AGBL1: variants seen among roughly 807,000 people sequenced by gnomAD.
AGBL1 encodes cytosolic carboxypeptidase 4.
In AGBL1, 130 loss-of-function variants were observed where a neutral mutation model predicts 118.9. The ratio of observed to expected loss-of-function variants is 1.09; its 90% CI spans 0.95 to 1.26. The LOEUF (loss-of-function observed/expected upper bound fraction) is 1.26. Among genes scored for constraint, AGBL1 ranks in the 50% most tolerant of loss-of-function variants. The pLI is 0.00. For synonymous variants in AGBL1, 555 were observed against 478.9 expected (o/e 1.16, Z -2.08); for missense variants, 1,584 against 1,298.1 (o/e 1.22, Z -3.38).
At chr15:86,788,451 G>C (rs1424227134) in intron 22 of AGBL1, among the ~76,000 whole-genome samples, 1 of 152,164 alleles carries the variant, frequency 6.6e-6, no homozygotes. Context: ...AATGTGGTAA[G>C]AGTTTTAATA....
At chr15:86,545,218 G>A (rs1384389525) in intron 19 of AGBL1, among the ~76,000 whole-genome samples, 1 of 152,204 alleles carries the variant, frequency 6.6e-6, no homozygotes, top group Non-Finnish European at 1.5e-5. Flanking sequence ...ATGCAGAGCA[G>A]AGTCATAGCC....
chr15:86,888,016 C>G (rs1300678246), intron 22 of AGBL1, among the ~76,000 whole-genome samples: 1 of 152,082 alleles, frequency 6.6e-6, no homozygotes. Flanking sequence ...GTTACAATCT[C>G]TCACCACTCC....
intron 17 of AGBL1, among the ~76,000 whole-genome samples, chr15:86,357,993 T>C (rs2080747844): frequency 6.6e-6 from 1 of 152,134 alleles, no homozygotes; most frequent in Non-Finnish European, 1.5e-5. Flanking sequence ...AGCTAATTAA[T>C]ATATCTATCA....
chr15:86,534,149 T>C (rs2083389952), intron 19 of AGBL1, among the ~76,000 whole-genome samples: 1 of 151,714 alleles, frequency 6.6e-6, no homozygotes, highest in South Asian at 2.1e-4. Context: ...GTCCTTTTCT[T>C]TGAGGAACCC....
At chr15:86,778,214 A>G (rs758609019) in intron 22 of AGBL1, among the ~76,000 whole-genome samples, 5 of 152,164 alleles carry the variant, frequency 3.3e-5, no homozygotes, top group Non-Finnish European at 7.3e-5. Context: ...TCACAAGGTA[A>G]CAGAATATCA....
At chr15:86,950,606 T>G (rs1252072106) in intron 23 of AGBL1, among the ~76,000 whole-genome samples, 1 of 151,682 alleles carries the variant, frequency 6.6e-6, no homozygotes, top group African/African-American at 2.4e-5. Context: ...TTAAGATATT[T>G]TATTTACTAT....
At chr15:86,804,485 A>C (rs2078691526) in intron 22 of AGBL1, among the ~76,000 whole-genome samples, 1 of 152,166 alleles carries the variant, frequency 6.6e-6, no homozygotes, top group African/African-American at 2.4e-5. Flanking sequence ...CAACAAAAAA[A>C]CCCAAATCAA....
intron 18 of AGBL1, among the ~76,000 whole-genome samples, chr15:86,474,220 C>T (rs137974333): frequency 5.9e-5 from 9 of 152,224 alleles, no homozygotes; most frequent in East Asian, 1.9e-4. Flanking sequence ...GCTTGTCGGA[C>T]GGTGGGTGCA....
chr15:86,407,818 A>C (rs2081551668), intron 18 of AGBL1, among the ~76,000 whole-genome samples: 1 of 152,160 alleles, frequency 6.6e-6, no homozygotes, highest in African/African-American at 2.4e-5. Flanking sequence ...TGGATTTATG[A>C]TCGTGGGACT....
At chr15:86,942,929 C>T (rs1451039022) in intron 23 of AGBL1, among the ~76,000 whole-genome samples, 10 of 152,216 alleles carry the variant, frequency 6.6e-5, no homozygotes, top group African/African-American at 2.4e-4. Context: ...TCTAACACTG[C>T]AGGCACATTG....
intron 7 of AGBL1, among the ~76,000 whole-genome samples, chr15:86,255,778 T>TAA (rs72427538): frequency 0.012 from 1,845 of 148,794 alleles, 49 homozygotes; most frequent in African/African-American, 0.044. Flanking sequence ...TGAGACTGTC[T>TAA]AAAAAAAAAA....
intron 21 of AGBL1, among the ~76,000 whole-genome samples, chr15:86,667,657 T>C (rs951045602): frequency 1.3e-5 from 2 of 152,158 alleles, no homozygotes; most frequent in Non-Finnish European, 2.9e-5. Flanking sequence ...TTTTGGACCG[T>C]AGGTGAGTAC....
At chr15:86,771,902 C>T (rs972372268) in intron 22 of AGBL1, among the ~76,000 whole-genome samples, 1 of 151,904 alleles carries the variant, frequency 6.6e-6, no homozygotes, top group Non-Finnish European at 1.5e-5. Context: ...CAGGCAGAGT[C>T]ATTAAGGGAA....
In AGBL1 at chr15:86,307,626, A is replaced by G. The variant is rs546310784; in HGVS notation, c.2374+12218A>G. On this transcript the variant is annotated intron_variant, in intron 17 of 22. Coordinates refer to ENST00000614907, the MANE Select transcript of AGBL1 (RefSeq NM_001386094.1). ...AGAATTTAGGTCTTCTCTCAGCAGC[A>G]TAGGGTGGCGTGTGCCTGTAGTCCC... 3.3e-5 allele frequency among the ~76,000 whole-genome samples: 5 copies of G among 152,202 alleles called. No individual in the cohort carries two copies. The South Asian group carries it at 1.0e-3, about 32-fold the overall frequency.
chr15:86,499,966 G>C (rs1832829713), intron 18 of AGBL1, among the ~76,000 whole-genome samples: 2 of 151,810 alleles, frequency 1.3e-5, no homozygotes, highest in Non-Finnish European at 2.9e-5. Context: ...TGAATACCTA[G>C]CAGCTTTACA....
At chr15:86,099,326 A>G (rs1167322852) in intron 1 of AGBL1, among the ~76,000 whole-genome samples, 1 of 151,964 alleles carries the variant, frequency 6.6e-6, no homozygotes, top group Non-Finnish European at 1.5e-5. Context: ...CTATTGTGAG[A>G]TTGCTTTCTT....
intron 19 of AGBL1, among the ~76,000 whole-genome samples, chr15:86,534,696 C>A (rs1250475148): frequency 6.6e-6 from 1 of 151,974 alleles, no homozygotes; most frequent in East Asian, 1.9e-4. Context: ...TAACTAAAAC[C>A]AAAACTAAAC....
intron 22 of AGBL1, among the ~76,000 whole-genome samples, chr15:86,842,758 A>G (rs1272996216): frequency 6.6e-6 from 1 of 152,142 alleles, no homozygotes; most frequent in African/African-American, 2.4e-5. Flanking sequence ...GCTCTCTGGG[A>G]GAACACATTC....
intron 21 of AGBL1, among the ~76,000 whole-genome samples, chr15:86,616,339 C>CAAAAAAAAAAAAAAAA (rs199936794): frequency 1.4e-4 from 7 of 49,242 alleles, no homozygotes; most frequent in African/African-American, 5.0e-4. Context: ...TCCTCCACTT[C>CAAAAAAAAAAAAAAAA]AAAAAAAAAA....
Sources: gnomAD v4.1 joint callset for allele counts (sites outside exome capture counted in the v4.1 genomes callset) on GRCh38, gnomAD v4.1.1 for gene constraint, MANE v1.5 for transcripts, NCBI Gene and HGNC (gene_info 2026-07-23, HGNC 2026-07-21) for gene names.